HERC2: variants seen among roughly 807,000 people sequenced by gnomAD.
The protein encoded by HERC2 is E3 ubiquitin-protein ligase HERC2.
A neutral mutation model predicts 537.7 loss-of-function variants in HERC2; 102 were observed. The ratio of observed to expected loss-of-function variants is 0.19; its 90% CI spans 0.16 to 0.22. The LOEUF (loss-of-function observed/expected upper bound fraction) is 0.22, where lower values mean the gene tolerates loss of function less well. HERC2 is among the 10% of genes least tolerant of loss of function. HERC2 has a pLI of 1.00. For synonymous variants in HERC2, 2,224 were observed against 2,466.2 expected (o/e 0.90, Z 2.91); for missense variants, 4,236 against 6,198.2 (o/e 0.68, Z 10.63).
chr15:28,274,478 C>T, intron 6 of HERC2, 31 bp from the exon 7 acceptor site: 1 of 1,574,728 alleles, frequency 6.4e-7, no homozygotes, highest in Non-Finnish European at 8.6e-7. Flanking sequence ...GAGGAGCCCC[C>T]CCACTCCCCT....
rs758093331 is a variant in HERC2, at chr15:28,213,856, C to T, written c.6672G>A (p.Met2224Ile). ...DGRLRLGGQVMHDEFGEGTVT... is the reference protein window; with the variant it reads ...DGRLRLGGQVIHDEFGEGTVT... ...CAGTGCCTTCTCCAAACTCATCGTG[C>T]ATAACTTGACCGCCCAGGCGCAGGC... Residue 2224 changes from methionine to isoleucine, a missense_variant, in exon 42 of 93, where the codon ATG (methionine) becomes ATA (isoleucine). By Grantham distance (10) the Met-to-Ile change is conservative. Transcript: ENST00000261609. 12 of 1,613,938 alleles carry T rather than the reference C, an allele frequency of 7.4e-6. No homozygotes were observed. In the East Asian group the frequency reaches 2.0e-4, roughly 27 times the overall value.
In HERC2 at chr15:28,124,136, G is replaced by T; in HGVS notation, c.13089C>A (p.Cys4363Ter). 1 of 1,603,098 alleles carries T rather than the reference G, an allele frequency of 6.2e-7. No individual in the cohort carries two copies. The highest frequency in any genetic ancestry group is 8.5e-7 in the Non-Finnish European group (1 of 1,174,722). ...LHHLSELFCP[C>*]IPMFDLEGSL... Reference sequence around the variant, plus strand: ...AGCCTTCCAGGTCGAACATGGGGATGCAGGGGCAGAAGAGCTCGGAGAGGT... The same window carrying T: ...AGCCTTCCAGGTCGAACATGGGGATTCAGGGGCAGAAGAGCTCGGAGAGGT... The change falls in exon 85 of 93, where the codon TGC becomes TGA. Residue 4363 changes from cysteine (C) to a stop codon, truncating the protein, a stop_gained. Transcript: ENST00000261609. LOFTEE classifies it high-confidence loss of function.
chr15:28,228,969 C>A lies in HERC2; in HGVS notation c.5272+226G>T, dbSNP rs1017217717. ...CTTTAGGATATGTGGTGATACACAT[C>A]AAAATGTAAAAATGTTATACTAGAG... On this transcript the variant is annotated intron_variant, in intron 34 of 92. Coordinates refer to ENST00000261609, the MANE Select transcript of HERC2 (RefSeq NM_004667.6). 5.3e-5 allele frequency among the ~76,000 whole-genome samples: 8 copies of A among 152,174 alleles called. No individual in the cohort carries two copies. In the South Asian group the frequency reaches 6.2e-4, roughly 12 times the overall value.
At chr15:28,316,222 CAAAA>C (rs869089875) in intron 2 of HERC2, among the ~76,000 whole-genome samples, 2 of 50,540 alleles carry the variant, frequency 4.0e-5, no homozygotes, top group Non-Finnish European at 6.2e-5. Flanking sequence ...GACTCTGTCT[CAAAA>C]AAAAAAAAAA....
intron 70 of HERC2, among the ~76,000 whole-genome samples, chr15:28,147,545 G>A (rs755498357): frequency 4.9e-4 from 74 of 152,018 alleles, no homozygotes; most frequent in Non-Finnish European, 8.5e-4. Flanking sequence ...GGCTAAGGAA[G>A]GGGGATCGCT....
At chr15:28,154,711 C>T (rs1028731389) in intron 69 of HERC2, among the ~76,000 whole-genome samples, 1 of 152,190 alleles carries the variant, frequency 6.6e-6, no homozygotes, top group African/African-American at 2.4e-5. Flanking sequence ...TAACCCCTAC[C>T]CTCTCTACTG....
At chr15:28,258,391 G>A (rs1024847128) in intron 16 of HERC2, among the ~76,000 whole-genome samples, 4 of 152,142 alleles carry the variant, frequency 2.6e-5, no homozygotes, top group African/African-American at 7.2e-5. Context: ...AGAATTGCTT[G>A]AACCCGGGAG....
Position 28,135,663 on chromosome 15 carries a change from G to A in HERC2, c.12045C>T (p.Gly4015=). The part of the protein sequence containing the change: ...KLYATGYGAG[G]RLGIGGTESV... ...ACTCTGTCCCTCCAATGCCTAGTCT[G>A]CCACCTGCACCATACCCAGTGGCAT... The change falls in exon 79 of 93, where the codon GGC becomes GGT. Residue 4015 remains glycine (G), a synonymous_variant. Transcript: ENST00000261609. 2 of 1,613,934 alleles carry A rather than the reference G, an allele frequency of 1.2e-6. No homozygotes were observed. The highest frequency in any genetic ancestry group is 1.1e-5 in the South Asian group (1 of 91,068).
chr15:28,228,436 T>C (rs769080515), intron 34 of HERC2, 27 bp from the exon 35 acceptor site: 9 of 1,601,374 alleles, frequency 5.6e-6, no homozygotes, highest in Non-Finnish European at 6.8e-6. Flanking sequence ...CCTACTGACA[T>C]TTCTTGTGAT....
chr15:28,263,753 T>C (rs904583895), intron 14 of HERC2, among the ~76,000 whole-genome samples: 5 of 152,076 alleles, frequency 3.3e-5, no homozygotes, highest in Admixed American at 3.3e-4. Flanking sequence ...ATTGTTAGGC[T>C]GGGCATGGTA....
At chr15:28,295,913 G>C (rs1401701769) in intron 3 of HERC2, among the ~76,000 whole-genome samples, 1 of 152,108 alleles carries the variant, frequency 6.6e-6, no homozygotes, top group East Asian at 1.9e-4. Flanking sequence ...GGTCCACTGA[G>C]ACCTTAAAAT....
At chr15:28,207,025 A>G (rs1898554657) in intron 44 of HERC2, among the ~76,000 whole-genome samples, 1 of 151,768 alleles carries the variant, frequency 6.6e-6, no homozygotes, top group African/African-American at 2.4e-5. Flanking sequence ...AAAAAAAAAA[A>G]AACTAGACTC....
At chr15:28,224,023 G>A (rs899848651) in intron 35 of HERC2, among the ~76,000 whole-genome samples, 1 of 151,948 alleles carries the variant, frequency 6.6e-6, no homozygotes, top group Admixed American at 6.6e-5. Context: ...GGTTGCTAAT[G>A]AGGCCTCAAG....
chr15:28,235,882 G>C (rs921335378), intron 26 of HERC2, among the ~76,000 whole-genome samples: 2 of 152,186 alleles, frequency 1.3e-5, no homozygotes, highest in Admixed American at 1.3e-4. Context: ...AGACAGATGG[G>C]AAATGCACAA....
At position 28,122,495 on chromosome 15, in the gene HERC2, G is replaced by C. The variant is rs557826641; in HGVS notation, c.13189-1066C>G. On this transcript the variant is annotated intron_variant, in intron 85 of 92. Transcript: ENST00000261609. This position sits in a 1 kb window ranked among gnomAD's most constrained non-coding sequence, Gnocchi z 4.1. Reference sequence around the variant, plus strand: ...AAGCGCCAGAGGAGACCCAGAAAGGGTATCCTGGCGGCACCCCAGCCCCAT... The same window carrying C: ...AAGCGCCAGAGGAGACCCAGAAAGGCTATCCTGGCGGCACCCCAGCCCCAT... Among the ~76,000 whole-genome samples the C allele has an allele frequency of 6.6e-6, 1 of 152,270 alleles. No individual in the cohort carries two copies. The highest frequency in any genetic ancestry group is 1.5e-5 in the Non-Finnish European group (1 of 68,010).
chr15:28,233,173 T>C lies in HERC2; in HGVS notation c.4648A>G (p.Ile1550Val), dbSNP rs780426725. The change falls in exon 30 of 93, where the codon ATA becomes GTA. Residue 1550 changes from isoleucine to valine, a missense_variant. Coordinates refer to ENST00000261609, the MANE Select transcript of HERC2 (RefSeq NM_004667.6). ...CTCTTTTTCCTTCGTTCTCGAATTA[T>C]CTTTTGAGCTATCCTCCTCCAACGG... Reference protein sequence around the residue: ...LPRWRRIAQKIIRERRKKRVP... With the variant: ...LPRWRRIAQKVIRERRKKRVP... 5 of 1,611,708 alleles carry C rather than the reference T, an allele frequency of 3.1e-6. No homozygotes were observed. Among genetic ancestry groups the C allele is most frequent in the African/African-American group, 1.3e-5 (1 of 74,774 alleles).
At chr15:28,141,050 C>T (rs1342299097) in intron 78 of HERC2, among the ~76,000 whole-genome samples, 2 of 151,510 alleles carry the variant, frequency 1.3e-5, no homozygotes, top group African/African-American at 2.4e-5. Flanking sequence ...CCAGCCTGGC[C>T]GACATGGTGA....
intron 2 of HERC2, among the ~76,000 whole-genome samples, chr15:28,308,013 T>C (rs1298179516): frequency 6.6e-6 from 1 of 152,076 alleles, no homozygotes; most frequent in Non-Finnish European, 1.5e-5. Context: ...TTTTCAATTA[T>C]GAGAGCTTCG....
chr15:28,228,139 AAAAAAG>A lies in HERC2; in HGVS notation c.5464+73_5464+78del, dbSNP rs529594488. The stretch of plus-strand genomic sequence containing the variant: ...ATTTACAAAAAGCTTTAAAAAAAAA[AAAAAAG>A]AAAAGAAAAGAAAAGAAATCAAAGC... On this transcript the variant is annotated intron_variant, in intron 35 of 92. Coordinates refer to ENST00000261609, the MANE Select transcript of HERC2 (RefSeq NM_004667.6). 4,125 of 1,308,940 alleles carry A rather than the reference AAAAAAG, an allele frequency of 3.2e-3. 72 individuals carry two copies. In the African/African-American group the frequency reaches 0.057, roughly 18 times the overall value. 81.1% of individuals were successfully genotyped at this position (1,308,940 alleles called of 1,614,324 possible).
Sources: allele counts gnomAD v4.1 joint callset (sites outside exome capture counted in the v4.1 genomes callset), GRCh38; gene constraint gnomAD v4.1.1; non-coding constraint Gnocchi (gnomAD v3.1); transcripts MANE v1.5; gene names NCBI Gene and HGNC (gene_info 2026-07-23, HGNC 2026-07-21).